Variants in PRIMPOL observed in about 807,000 individuals in gnomAD.
PRIMPOL encodes the protein primase and DNA directed polymerase.
In PRIMPOL, 54 loss-of-function variants were observed where a neutral mutation model predicts 63.6. The ratio of observed to expected loss-of-function variants is 0.85; its 90% confidence interval spans 0.68 to 1.07. PRIMPOL has a LOEUF of 1.07. Among genes scored for constraint, PRIMPOL ranks in the 50% least tolerant of loss-of-function variants. The probability of loss-of-function intolerance (pLI) is 0.00; values close to 1 mark genes in which losing one functional copy is unlikely to be tolerated. For synonymous variants in PRIMPOL, 197 were observed against 220.2 expected, an observed-to-expected ratio of 0.89 and a Z score of 0.93; for missense variants, 610 against 648.3, an observed-to-expected ratio of 0.94 and a Z score of 0.64.
chr4:184,681,631 G>T (rs1331105276), intron 8 of PRIMPOL, among the ~76,000 whole-genome samples: 2 of 151,960 alleles, frequency 1.3e-5, no homozygotes, highest in Admixed American at 1.3e-4. Context: ...CTGGAGTGCA[G>T]TGGTGCAATC....
At chr4:184,650,965 G>C (rs1327133482) in intron 1 of PRIMPOL, among the ~76,000 whole-genome samples, 1 of 151,864 alleles carries the variant, frequency 6.6e-6, no homozygotes, top group South Asian at 2.1e-4. Context: ...AATTTAAAGA[G>C]GATAAGGTTT....
chr4:184,669,567 G>C (rs1409536613), intron 6 of PRIMPOL, among the ~76,000 whole-genome samples: 1 of 152,238 alleles, frequency 6.6e-6, no homozygotes, highest in East Asian at 1.9e-4. Context: ...TCTTGCTCAG[G>C]AAGAAGGAGA....
chr4:184,671,948 A>T (rs11721363), intron 6 of PRIMPOL, among the ~76,000 whole-genome samples: 1 of 151,458 alleles, frequency 6.6e-6, no homozygotes, highest in South Asian at 2.1e-4. Context: ...CACCGTGTTA[A>T]CCAGGATGGT....
chr4:184,658,013 A>AATAAATAT (rs1156978936), intron 3 of PRIMPOL, among the ~76,000 whole-genome samples: 2 of 149,074 alleles, frequency 1.3e-5, no homozygotes, highest in Non-Finnish European at 3.0e-5. Flanking sequence ...TAAATAAATA[A>AATAAATAT]ATAAATAAAT....
At chr4:184,674,742 ATGT>A (rs1210646028) in intron 7 of PRIMPOL, among the ~76,000 whole-genome samples, 3 of 152,230 alleles carry the variant, frequency 2.0e-5, no homozygotes, top group Admixed American at 6.5e-5. Context: ...AGAAAAGAAA[ATGT>A]TGTTAAGAAA....
At chr4:184,685,764 A>G in intron 11 of PRIMPOL, 80 bp downstream of exon 11, 1 of 619,742 alleles carries the variant, frequency 1.6e-6, no homozygotes. Context: ...TGCGAATATG[A>G]AAACTATTTT....
chr4:184,653,329 C>A (rs1467485962), intron 2 of PRIMPOL, among the ~76,000 whole-genome samples: 1 of 152,156 alleles, frequency 6.6e-6, no homozygotes, highest in African/African-American at 2.4e-5. Flanking sequence ...GTCATCTCTC[C>A]CCTTCCATCC....
At chr4:184,684,404 C>T (rs886419792) in intron 9 of PRIMPOL, among the ~76,000 whole-genome samples, 3 of 151,254 alleles carry the variant, frequency 2.0e-5, no homozygotes, top group African/African-American at 7.3e-5. Context: ...TGCAGTGAGC[C>T]GAGATCGCGC....
Position 184,672,318 on chromosome 4 carries a change from C to T in PRIMPOL, c.702C>T (p.Phe234=). 6.2e-7 allele frequency: 1 copy of T among 1,614,048 alleles called. No homozygotes were observed. Among genetic ancestry groups the T allele is most frequent in the African/African-American group, 1.3e-5 (1 of 75,002 alleles). ...ARQGFSFNKM[F]TEKATEESWT... is the part of the protein sequence containing the mutation. ...AAGGATTTTCTTTCAATAAAATGTT[C>T]ACAGAAAAGGCTACAGAGGAAAGCT... Residue 234 remains phenylalanine (F), a synonymous_variant, in exon 7 of 14, where the codon TTC becomes TTT. Coordinates refer to ENST00000314970, the MANE Select transcript of PRIMPOL (RefSeq NM_152683.4).
chr4:184,650,491 A>ATT (rs60407693), intron 1 of PRIMPOL, among the ~76,000 whole-genome samples: 2 of 151,990 alleles, frequency 1.3e-5, no homozygotes, highest in South Asian at 2.1e-4. Context: ...GATGCGGACT[A>ATT]TTTTTTTATT....
At chr4:184,691,423 G>T in intron 11 of PRIMPOL, 76 bp from the exon 12 acceptor site, 1 of 826,458 alleles carries the variant, frequency 1.2e-6, no homozygotes, top group Admixed American at 2.5e-5. Flanking sequence ...CATATTTCTT[G>T]GAACAGCATG....
chr4:184,658,467 A>G (rs1747233338), intron 3 of PRIMPOL, among the ~76,000 whole-genome samples: 2 of 152,230 alleles, frequency 1.3e-5, no homozygotes, highest in Admixed American at 1.3e-4. Flanking sequence ...TTTTTCACTC[A>G]TGAAAAGAAA....
intron 2 of PRIMPOL, 116 bp from the exon 3 acceptor site, chr4:184,656,966 T>A: frequency 2.0e-6 from 1 of 489,098 alleles, no homozygotes; most frequent in African/African-American, 2.0e-5. Flanking sequence ...TGGTAAAACT[T>A]CATGCAAAGA....
intron 6 of PRIMPOL, among the ~76,000 whole-genome samples, chr4:184,669,623 T>C (rs1751029793): frequency 6.6e-6 from 1 of 152,238 alleles, no homozygotes; most frequent in African/African-American, 2.4e-5. Context: ...ACAGGTATCT[T>C]CTGAAAGCAG....
At chr4:184,684,898 G>T (rs1579606926) in intron 9 of PRIMPOL, among the ~76,000 whole-genome samples, 1 of 152,258 alleles carries the variant, frequency 6.6e-6, no homozygotes, top group African/African-American at 2.4e-5. Flanking sequence ...AGCTGGGATC[G>T]GGGGTGTTGG....
chr4:184,691,401 T>TTAAG (rs1335208016), intron 11 of PRIMPOL, 98 bp from the exon 12 acceptor site: 4 of 710,878 alleles, frequency 5.6e-6, no homozygotes, highest in Non-Finnish European at 9.6e-6. Context: ...TTCTCCATCT[T>TTAAG]TAAGTCTTAG....
At chr4:184,676,241 G>C (rs1753284985) in intron 7 of PRIMPOL, among the ~76,000 whole-genome samples, 1 of 151,732 alleles carries the variant, frequency 6.6e-6, no homozygotes, top group Non-Finnish European at 1.5e-5. Flanking sequence ...CCAGTAGCTA[G>C]AACTACAAGT....
intron 11 of PRIMPOL, 33 bp downstream of exon 11, chr4:184,685,717 C>G (rs1377970166): frequency 1.1e-6 from 1 of 919,242 alleles, no homozygotes; most frequent in Admixed American, 2.5e-5. Flanking sequence ...GTGTATTTAA[C>G]CAATATTATA....
intron 7 of PRIMPOL, among the ~76,000 whole-genome samples, chr4:184,677,652 C>G (rs1306519527): frequency 6.6e-6 from 1 of 152,120 alleles, no homozygotes; most frequent in Non-Finnish European, 1.5e-5. Context: ...ATTTTAGAGT[C>G]AGTTTGCCGG....
Sources: allele counts gnomAD v4.1 joint callset (sites outside exome capture counted in the v4.1 genomes callset), GRCh38; gene constraint gnomAD v4.1.1; transcripts MANE v1.5; gene names NCBI Gene and HGNC (gene_info 2026-07-23, HGNC 2026-07-21).